TCF4: variants seen among roughly 807,000 people sequenced by gnomAD.
TCF4 encodes transcription factor 4.
In TCF4, 3 loss-of-function variants were observed where a neutral mutation model predicts 82.1. That is an observed-to-expected ratio of 0.04 (90% confidence interval 0.02 to 0.09). The LOEUF (loss-of-function observed/expected upper bound fraction) is 0.09, where lower values mean the gene tolerates loss of function less well. TCF4 is among the 10% of genes least tolerant of loss of function. The pLI is 1.00. For missense variants in TCF4, 518 were observed against 852.7 expected, an observed-to-expected ratio of 0.61 and a Z score of 4.89; for synonymous variants, 276 against 309.6, an observed-to-expected ratio of 0.89 and a Z score of 1.14.
At chr18:55,563,696 A>G (rs2097374762) in intron 3 of TCF4, among the ~76,000 whole-genome samples, 1 of 152,248 alleles carries the variant, frequency 6.6e-6, no homozygotes. Flanking sequence ...GGATAACTAG[A>G]TTTCAGGGCC....
intron 9 of TCF4, among the ~76,000 whole-genome samples, chr18:55,279,302 C>T (rs1330877735): frequency 2.0e-5 from 3 of 152,170 alleles, no homozygotes; most frequent in African/African-American, 7.2e-5. Context: ...TCATAAGCAT[C>T]GGCTCTAAGT....
At position 55,225,696 on chromosome 18, in the gene TCF4, T is replaced by TTCCATG. The variant is rs1269795920; in HGVS notation, c.*2338_*2339insCATGGA. ...GTATACATTATTGTCTTCCATGTCC[T>TTCCATG]TCTCTGAGCCTCTTTGTTCATACAT... is the stretch of plus-strand genomic sequence containing the variant. On this transcript the variant is annotated 3_prime_UTR_variant, in exon 20 of 20. Transcript: ENST00000354452. The TTCCATG allele has an allele frequency of 6.6e-6, 1 of 152,540 alleles. No individual in the cohort carries two copies. Among genetic ancestry groups the TTCCATG allele is most frequent in the Non-Finnish European group, 1.5e-5 (1 of 67,998 alleles). The allele number at this position is 152,540 out of a possible 1,614,324, so 9.4% of individuals were successfully genotyped here.
intron 15 of TCF4, among the ~76,000 whole-genome samples, chr18:55,250,860 A>C (rs1300026511): frequency 1.3e-5 from 2 of 152,258 alleles, no homozygotes; most frequent in East Asian, 3.8e-4. Flanking sequence ...GAGCTGGTTA[A>C]GATAAATATC....
At chr18:55,545,745 C>T (rs914325949) in intron 3 of TCF4, among the ~76,000 whole-genome samples, 6 of 152,116 alleles carry the variant, frequency 3.9e-5, no homozygotes, top group East Asian at 1.9e-4. Flanking sequence ...ACACCACGCC[C>T]GGCGCCATTC....
intron 5 of TCF4, among the ~76,000 whole-genome samples, chr18:55,414,984 G>T (rs1456963217): frequency 2.0e-5 from 3 of 151,992 alleles, no homozygotes; most frequent in Non-Finnish European, 4.4e-5. Context: ...ACCATAACAG[G>T]AATTTTTCTA....
intron 1 of TCF4, among the ~76,000 whole-genome samples, chr18:55,635,189 C>T (rs767691368): frequency 3.9e-5 from 6 of 152,150 alleles, no homozygotes; most frequent in Non-Finnish European, 5.9e-5. Flanking sequence ...CAAGAGTCAA[C>T]GCCTTGTACA....
intron 3 of TCF4, among the ~76,000 whole-genome samples, chr18:55,527,117 C>T (rs954475656): frequency 1.3e-5 from 2 of 152,232 alleles, no homozygotes; most frequent in Admixed American, 6.5e-5. Flanking sequence ...AGTAACCTCA[C>T]GCATCTGTGC....
intron 2 of TCF4, among the ~76,000 whole-genome samples, chr18:55,600,511 C>G (rs17061809): frequency 0.12 from 17,545 of 152,196 alleles, 1,379 homozygotes; most frequent in East Asian, 0.4. Flanking sequence ...ACAGTGGAAC[C>G]GTACACATGG....
At chr18:55,287,712 T>G (rs902645671) in intron 8 of TCF4, among the ~76,000 whole-genome samples, 1 of 152,220 alleles carries the variant, frequency 6.6e-6, no homozygotes, top group African/African-American at 2.4e-5. Flanking sequence ...AAGTGAGCCA[T>G]GCCAATTTAA....
At chr18:55,457,801 T>G (rs963804537) in intron 5 of TCF4, among the ~76,000 whole-genome samples, 1 of 152,226 alleles carries the variant, frequency 6.6e-6, no homozygotes, top group African/African-American at 2.4e-5. Context: ...CAAATAGAAG[T>G]ATTATGTTTA....
chr18:55,408,460 T>C (rs2094197848), intron 5 of TCF4, among the ~76,000 whole-genome samples: 2 of 152,188 alleles, frequency 1.3e-5, no homozygotes, highest in African/African-American at 4.8e-5. Flanking sequence ...TAGAAAGGAC[T>C]AGTTCATTAA....
In TCF4 at chr18:55,583,500, T is replaced by G. The variant is rs1327874128; in HGVS notation, c.145+1780A>C. Among the ~76,000 whole-genome samples, 4 of 152,178 alleles carry G rather than the reference T, an allele frequency of 2.6e-5. No individual in the cohort carries two copies. The East Asian group carries it at 7.7e-4, about 29-fold the overall frequency. On this transcript the variant is annotated intron_variant, in intron 3 of 19. Transcript: ENST00000354452. ...CATCACAGCAAGAACTTTATTTAAA[T>G]GTGAACATAGAAAATGGATCAGACA...
intron 3 of TCF4, among the ~76,000 whole-genome samples, chr18:55,529,795 G>A (rs1233614267): frequency 6.6e-6 from 1 of 152,094 alleles, no homozygotes; most frequent in Non-Finnish European, 1.5e-5. Context: ...CCTGTCACTA[G>A]CACACCATGC....
intron 3 of TCF4, among the ~76,000 whole-genome samples, chr18:55,541,339 T>G (rs1007447467): frequency 6.6e-6 from 1 of 152,016 alleles, no homozygotes; most frequent in African/African-American, 2.4e-5. Flanking sequence ...TAGGAGATCA[T>G]GATCTCATTT....
intron 10 of TCF4, among the ~76,000 whole-genome samples, chr18:55,275,025 T>C (rs1316452014): frequency 6.6e-6 from 1 of 152,066 alleles, no homozygotes; most frequent in Non-Finnish European, 1.5e-5. Context: ...AAACACAGTA[T>C]GAGTGGCAGG....
intron 6 of TCF4, among the ~76,000 whole-genome samples, chr18:55,376,479 T>C (rs562128006): frequency 6.6e-6 from 1 of 152,316 alleles, no homozygotes; most frequent in South Asian, 2.1e-4. Flanking sequence ...GAATCAGGTC[T>C]AGAATCCAGA....
At chr18:55,588,699 T>C (rs1256633874), upstream of TCF4, 1 of 1,315,302 alleles carries the variant, frequency 7.6e-7, no homozygotes, top group African/African-American at 1.5e-5. Flanking sequence ...GGAACAATAT[T>C]TTTCTTTTTC....
chr18:55,362,342 G>A (rs1412245946), intron 6 of TCF4, among the ~76,000 whole-genome samples: 1 of 58,802 alleles, frequency 1.7e-5, no homozygotes, highest in Non-Finnish European at 3.1e-5. Flanking sequence ...AAAAAAAGAG[G>A]AAGGAAGGAA....
At chr18:55,251,366 T>C (rs1380437601) in intron 15 of TCF4, among the ~76,000 whole-genome samples, 1 of 152,112 alleles carries the variant, frequency 6.6e-6, no homozygotes, top group African/African-American at 2.4e-5. Context: ...AGTAAATCAC[T>C]GAAGACCTAC....
Sources: allele counts gnomAD v4.1 joint callset (sites outside exome capture counted in the v4.1 genomes callset), GRCh38; gene constraint gnomAD v4.1.1; transcripts MANE v1.5; gene names NCBI Gene and HGNC (gene_info 2026-07-23, HGNC 2026-07-21).